Variants in MYO16 observed in about 807,000 individuals in gnomAD.
MYO16 encodes myosin XVI, also known as unconventional myosin-XVI.
MYO16 carries 94 observed loss-of-function variants against 205.3 expected under a neutral mutation model. That is an observed-to-expected ratio of 0.46 (90% CI 0.39 to 0.54). MYO16 has a LOEUF of 0.54. MYO16 is among the 20% of genes least tolerant of loss of function. The probability of loss-of-function intolerance (pLI) is 0.00; values close to 1 mark genes in which losing one functional copy is unlikely to be tolerated. For synonymous variants in MYO16, 988 were observed against 954.0 expected (o/e 1.04, Z -0.66); for missense variants, 2,315 against 2,387.5 (o/e 0.97, Z 0.63).
intron 6 of MYO16, among the ~76,000 whole-genome samples, chr13:108,799,522 A>G (rs73612408): frequency 5.9e-5 from 9 of 152,222 alleles, no homozygotes; most frequent in African/African-American, 2.2e-4. Flanking sequence ...GAACAGTGAT[A>G]TGAAAATGTC....
intron 1 of MYO16, among the ~76,000 whole-genome samples, chr13:108,637,849 T>C (rs1341978389): frequency 6.6e-6 from 1 of 152,048 alleles, no homozygotes; most frequent in Non-Finnish European, 1.5e-5. Flanking sequence ...CACTCGAGCC[T>C]GGGCAACACA....
At chr13:108,759,492 T>G (rs1383716345) in intron 4 of MYO16, among the ~76,000 whole-genome samples, 1 of 152,126 alleles carries the variant, frequency 6.6e-6, no homozygotes, top group Non-Finnish European at 1.5e-5. Context: ...TGAGAGAGTA[T>G]TATATGAAAG....
intron 1 of MYO16, among the ~76,000 whole-genome samples, chr13:108,664,815 G>A (rs999120458): frequency 6.6e-6 from 1 of 152,084 alleles, no homozygotes; most frequent in Non-Finnish European, 1.5e-5. Context: ...TCCATTACAG[G>A]TGCTTTGACT....
intron 25 of MYO16, among the ~76,000 whole-genome samples, chr13:109,054,482 C>T (rs755525290): frequency 1.3e-5 from 2 of 151,988 alleles, no homozygotes; most frequent in Non-Finnish European, 2.9e-5. Flanking sequence ...CATAAAACAC[C>T]ATCATTTTGC....
intron 34 of MYO16, among the ~76,000 whole-genome samples, chr13:109,185,826 T>C (rs1879663731): frequency 6.6e-6 from 1 of 152,212 alleles, no homozygotes; most frequent in African/African-American, 2.4e-5. Context: ...ATAGGTGTAC[T>C]CATAAATCAT....
chr13:108,987,178 A>T (rs1482683031), intron 20 of MYO16, among the ~76,000 whole-genome samples: 1 of 152,188 alleles, frequency 6.6e-6, no homozygotes, highest in Non-Finnish European at 1.5e-5. Flanking sequence ...ATCTAGGAAG[A>T]TGCTAGTTTG....
At chr13:109,057,865 G>C (rs1887464473) in intron 27 of MYO16, among the ~76,000 whole-genome samples, 1 of 152,066 alleles carries the variant, frequency 6.6e-6, no homozygotes, top group Admixed American at 6.6e-5. Flanking sequence ...AAATAGAATG[G>C]AGAGTGTCAG....
intron 4 of MYO16, among the ~76,000 whole-genome samples, chr13:108,757,118 T>C (rs1166203500): frequency 6.6e-6 from 1 of 152,220 alleles, no homozygotes; most frequent in East Asian, 1.9e-4. Context: ...AACTTCAAAA[T>C]TTCTCAGGAA....
chr13:108,792,578 C>T (rs1886649977), intron 5 of MYO16, among the ~76,000 whole-genome samples: 1 of 142,526 alleles, frequency 7.0e-6, no homozygotes, highest in Non-Finnish European at 1.5e-5. Context: ...GTGGTGCAAT[C>T]TTGGCTCACT....
rs1323699280 is a variant in MYO16 at position 109,114,310 on chromosome 13, A to T, written c.3439-6060A>T. On this transcript the variant is annotated intron_variant, in intron 28 of 34. Coordinates refer to ENST00000457511, the MANE Select transcript of MYO16 (RefSeq NM_001198950.3). ...CCCCATCCCAACCCACTGGAACAGA[A>T]TCTACATTTTGACAAGATCCCAAGC... Among the ~76,000 whole-genome samples, 22 of 152,216 alleles carry T rather than the reference A, an allele frequency of 1.4e-4. 1 individual carries two copies.
intron 11 of MYO16, among the ~76,000 whole-genome samples, chr13:108,859,062 T>C (rs1441374649): frequency 6.6e-6 from 1 of 152,132 alleles, no homozygotes; most frequent in Non-Finnish European, 1.5e-5. Flanking sequence ...AAAATGCACT[T>C]CCTATCCTTC....
rs186595716 is a variant in MYO16 at position 108,859,230 on chromosome 13, T to A, written c.1359+3677T>A. Among the ~76,000 whole-genome samples the A allele has an allele frequency of 2.5e-4, 38 of 152,092 alleles. No homozygotes were observed. In the East Asian group the frequency reaches 4.2e-3, roughly 17 times the overall value. On this transcript the variant is annotated intron_variant, in intron 11 of 34. Transcript: ENST00000457511. The stretch of plus-strand genomic sequence containing the variant: ...ATGCCCATACCCACTAGAATGCAAG[T>A]TCTATAAGGAAAATAATTCTTGTTT...
At chr13:109,079,123 G>T (rs1888205329) in intron 27 of MYO16, among the ~76,000 whole-genome samples, 1 of 152,090 alleles carries the variant, frequency 6.6e-6, no homozygotes, top group South Asian at 2.1e-4. Context: ...ATTTCACTTT[G>T]GTTCCCCTCT....
intron 21 of MYO16, among the ~76,000 whole-genome samples, chr13:108,998,243 A>G (rs1030469330): frequency 2.6e-5 from 4 of 152,324 alleles, no homozygotes; most frequent in South Asian, 2.1e-4. Context: ...TGAGACTGCT[A>G]TACTCTGTGC....
At chr13:109,013,575 C>T (rs1885695629) in intron 22 of MYO16, among the ~76,000 whole-genome samples, 1 of 152,156 alleles carries the variant, frequency 6.6e-6, no homozygotes, top group Non-Finnish European at 1.5e-5. Context: ...AGTTTACACT[C>T]CCACCAACAG....
At chr13:108,569,899 AAT>A in the MYO16 span, among the ~76,000 whole-genome samples, 4 of 152,166 alleles carry the variant, frequency 2.6e-5, no homozygotes, top group Admixed American at 2.6e-4. Flanking sequence ...TAATACTATA[AAT>A]ATGGTATGTT....
At chr13:108,917,467 T>G (rs554146872) in intron 16 of MYO16, among the ~76,000 whole-genome samples, 1 of 152,228 alleles carries the variant, frequency 6.6e-6, no homozygotes, top group East Asian at 1.9e-4. Context: ...CAAGTGTCAG[T>G]AAGTCTGGGT....
At chr13:109,034,522 C>T (rs1886650925) in intron 23 of MYO16, among the ~76,000 whole-genome samples, 1 of 152,182 alleles carries the variant, frequency 6.6e-6, no homozygotes, top group Admixed American at 6.5e-5. Flanking sequence ...CCTGAGGCCT[C>T]CCTAGCCATG....
At chr13:108,645,449 A>G (rs1431211879) in intron 1 of MYO16, among the ~76,000 whole-genome samples, 3 of 152,124 alleles carry the variant, frequency 2.0e-5, no homozygotes, top group Non-Finnish European at 2.9e-5. Context: ...TAGCTTTAAA[A>G]AGGCTCTCAA....
Sources: allele counts gnomAD v4.1 joint callset (sites outside exome capture counted in the v4.1 genomes callset), GRCh38; gene constraint gnomAD v4.1.1; transcripts MANE v1.5; gene names NCBI Gene and HGNC (gene_info 2026-07-23, HGNC 2026-07-21).